DHRS1: variants seen among roughly 807,000 people sequenced by gnomAD.
The protein encoded by DHRS1 is dehydrogenase/reductase 1.
In DHRS1, 34 loss-of-function variants were observed where a neutral mutation model predicts 35.2. The observed-to-expected ratio is 0.97, with a 90% CI of 0.74 to 1.29. DHRS1 has a LOEUF of 1.29. Among genes scored for constraint, DHRS1 ranks in the 50% most tolerant of loss-of-function variants. The pLI is 0.00. For missense variants in DHRS1, 354 were observed against 403.6 expected, an observed-to-expected ratio of 0.88 and a Z score of 1.05; for synonymous variants, 133 against 160.0, an observed-to-expected ratio of 0.83 and a Z score of 1.27.
At chr14:24,291,424 T>G in intron 7 of DHRS1, 132 bp downstream of exon 7, 1 of 1,139,704 alleles carries the variant, frequency 8.8e-7, no homozygotes, top group African/African-American at 1.5e-5. Flanking sequence ...TGCTGACCCC[T>G]TGGGCCTCAA....
chr14:24,291,496 T>C, intron 7 of DHRS1, 60 bp downstream of exon 7: 1 of 1,556,516 alleles, frequency 6.4e-7, no homozygotes, highest in Admixed American at 1.7e-5. Context: ...GGGCACTGGA[T>C]GCTACCGCAC....
Position 24,290,646 on chromosome 14 carries a change from C to A in DHRS1, c.*213G>T. On this transcript the variant is annotated 3_prime_UTR_variant, in exon 9 of 9. Coordinates refer to ENST00000288111, the MANE Select transcript of DHRS1 (RefSeq NM_001136050.3). ...TTAGCTCCAAGAGCATTTTTCAATA[C>A]TAAGGCAAAAAGTAAAAAGAAGGAC... 1 of 539,942 alleles carries A rather than the reference C, an allele frequency of 1.9e-6. No homozygotes were observed. The highest frequency in any genetic ancestry group is 3.3e-6 in the Non-Finnish European group (1 of 307,154). The allele number at this position is 539,942 out of a possible 1,614,324, so 33.4% of individuals were successfully genotyped here. A position where few individuals can be genotyped will look rare whatever the true frequency, so the allele number is the denominator to read the frequency against.
chr14:24,290,820 TGAGAA>T lies in DHRS1; in HGVS notation c.*34_*38del, dbSNP rs2139083942. The T allele has an allele frequency of 6.2e-7, 1 of 1,610,644 alleles. No individual in the cohort carries two copies. Among genetic ancestry groups the T allele is most frequent in the Non-Finnish European group, 8.5e-7 (1 of 1,178,390 alleles). On this transcript the variant is annotated 3_prime_UTR_variant, in exon 9 of 9. Transcript: ENST00000288111. ...GACAGGACGAACCACCAAGTCCAAA[TGAGAA>T]GACAAGCAGAGACGTAGTGTCAGAC... is the stretch of plus-strand genomic sequence containing the variant.
rs761876701 is a variant in DHRS1 at position 24,292,184 on chromosome 14, C to T, written c.654G>A (p.Gln218=). 8.2e-5 allele frequency: 133 copies of T among 1,614,060 alleles called. No individual in the cohort carries two copies. The highest frequency in any genetic ancestry group is 1.6e-4 in the Middle Eastern group (1 of 6,084). The part of the protein sequence containing the change: ...EEVLQDPVLK[Q]FKSAFSSAET... Reference sequence around the variant, plus strand: ...CTTCCTTCGCCCTCCCCTTGCCAACCTGCTTCAACACAGGATCCTGCAGGA... The same window carrying T: ...CTTCCTTCGCCCTCCCCTTGCCAACTTGCTTCAACACAGGATCCTGCAGGA... Residue 218 remains glutamine, a splice_region_variant and synonymous_variant, in exon 6 of 9, where the codon CAG becomes CAA. Transcript: ENST00000288111.
chr14:24,299,628 G>T lies in DHRS1; in HGVS notation c.-72C>A. 1 of 306,614 alleles carries T rather than the reference G, an allele frequency of 3.3e-6. No homozygotes were observed. Among genetic ancestry groups the T allele is most frequent in the Non-Finnish European group, 6.0e-6 (1 of 165,552 alleles). 19.0% of individuals were successfully genotyped at this position (306,614 alleles called of 1,614,324 possible). ...GGTCTGCAGATTGCGGGGCTGCGGT[G>T]GAAGTCTGGGTTCTCGCCCAGATTG... On this transcript the variant is annotated 5_prime_UTR_variant, in exon 1 of 9. Coordinates refer to ENST00000288111, the MANE Select transcript of DHRS1 (RefSeq NM_001136050.3).
rs200040073 is a variant in DHRS1, at chr14:24,291,179, G to C, written c.765C>G (p.Ser255=). 209 of 1,614,182 alleles carry C rather than the reference G, an allele frequency of 1.3e-4. 1 individual carries two copies. The East Asian group carries it at 2.0e-3, about 15-fold the overall frequency. The change falls in exon 8 of 9, where the codon TCC becomes TCG. Residue 255 remains serine, a synonymous_variant. Transcript: ENST00000288111. ...ILSLSGKVLP[S]CDLARRYGLR... ...GGCCATAGCGTCGAGCAAGGTCACA[G>C]GATGGCAGCACCTTACCACTCAGGC...
chr14:24,294,839 TA>T (rs1285847948), intron 4 of DHRS1, among the ~76,000 whole-genome samples: 5 of 152,164 alleles, frequency 3.3e-5, no homozygotes, highest in African/African-American at 1.2e-4. Context: ...AAAACCCCTT[TA>T]TATATTTTCG....
At chr14:24,299,193 T>TG (rs2139108865) in intron 1 of DHRS1, 63 bp from the exon 2 acceptor site, 2 of 1,465,184 alleles carry the variant, frequency 1.4e-6, no homozygotes, top group Non-Finnish European at 9.2e-7. Context: ...GGGGCGAGGT[T>TG]GGGGGGTAGG....
intron 6 of DHRS1, 22 bp downstream of exon 6, chr14:24,292,162 C>T (rs2041167770): frequency 1.2e-6 from 2 of 1,614,034 alleles, no homozygotes; most frequent in African/African-American, 1.3e-5. Context: ...TTCTCTGCTT[C>T]CTTCGCCCTC....
At chr14:24,297,701 C>G (rs1354001437) in intron 2 of DHRS1, among the ~76,000 whole-genome samples, 3 of 152,334 alleles carry the variant, frequency 2.0e-5, no homozygotes, top group African/African-American at 7.2e-5. Flanking sequence ...AAGACCCACT[C>G]TTTCCTCTCC....
At chr14:24,297,549 G>C (rs2041272504) in intron 2 of DHRS1, among the ~76,000 whole-genome samples, 1 of 152,134 alleles carries the variant, frequency 6.6e-6, no homozygotes, top group South Asian at 2.1e-4. Flanking sequence ...CGACTCACCT[G>C]ACCTCCAGTC....
At chr14:24,297,235 G>A (rs1315964559) in intron 2 of DHRS1, among the ~76,000 whole-genome samples, 1 of 152,076 alleles carries the variant, frequency 6.6e-6, no homozygotes, top group Admixed American at 6.6e-5. Flanking sequence ...CCTTGTTGTG[G>A]TCATTTCCAT....
In DHRS1 at chr14:24,291,572, C is replaced by G. The variant is rs770246227; in HGVS notation, c.708G>C (p.Val236=). ...AETTELSGKC[V]VALATDPNIL... is the part of the protein sequence containing the mutation. ...AAACTTCACCTGTTGCCAAAGCCAC[C>G]ACACATTTGCCACTCAATTCTGTGG... The change falls in exon 7 of 9, where the codon GTG becomes GTC. Residue 236 remains valine, a synonymous_variant. Coordinates refer to ENST00000288111, the MANE Select transcript of DHRS1 (RefSeq NM_001136050.3). The G allele has an allele frequency of 9.3e-6, 15 of 1,614,098 alleles. No homozygotes were observed. The highest frequency in any genetic ancestry group is 1.3e-5 in the Non-Finnish European group (15 of 1,180,048).
At position 24,290,984 on chromosome 14, in the gene DHRS1, G is replaced by A. The variant is rs750452881; in HGVS notation, c.817C>T (p.Gln273Ter). The change falls in exon 9 of 9, where the codon CAA (glutamine) becomes TAA (stop). Residue 273 changes from glutamine (Q) to a stop codon, truncating the protein, a stop_gained. Transcript: ENST00000288111. LOFTEE classifies it high-confidence loss of function. Reference protein sequence around the residue: ...GLRDVDGRPVQDYLSLSSVLS... With the variant: ...GLRDVDGRPV Reference sequence around the variant, plus strand: ...ACAGAGCTCAAAGACAAATAGTCTTGGACGGGGCGGCCTGGGAACAACAGG... The same window carrying A: ...ACAGAGCTCAAAGACAAATAGTCTTAGACGGGGCGGCCTGGGAACAACAGG... 2 of 1,614,138 alleles carry A rather than the reference G, an allele frequency of 1.2e-6. No individual in the cohort carries two copies. The highest frequency in any genetic ancestry group is 1.1e-5 in the South Asian group (1 of 91,078).
At chr14:24,291,946 C>T (rs2041164691) in intron 6 of DHRS1, 5 of 615,348 alleles carry the variant, frequency 8.1e-6, no homozygotes, top group Admixed American at 5.9e-5. Flanking sequence ...ACAGCCTTTC[C>T]ACTTAGGACA....
chr14:24,296,920 T>C, intron 2 of DHRS1, 39 bp from the exon 3 acceptor site: 2 of 1,612,310 alleles, frequency 1.2e-6, no homozygotes, highest in South Asian at 1.1e-5. Flanking sequence ...CATTCACACA[T>C]GGGTGTGAGT....
chr14:24,297,252 T>C (rs1213438368), intron 2 of DHRS1, among the ~76,000 whole-genome samples: 1 of 152,184 alleles, frequency 6.6e-6, no homozygotes, highest in Non-Finnish European at 1.5e-5. Context: ...CCATCTCTCA[T>C]GCCCTTAGCT....
At chr14:24,296,216 T>C (rs2041244751) in intron 4 of DHRS1, among the ~76,000 whole-genome samples, 1 of 152,240 alleles carries the variant, frequency 6.6e-6, no homozygotes, top group African/African-American at 2.4e-5. Flanking sequence ...TGCGCATTAC[T>C]GAGAGGAGGA....
rs187365006 is a variant in DHRS1 at position 24,291,582 on chromosome 14, C to G, written c.698G>C (p.Gly233Ala). 6.2e-7 allele frequency: 1 copy of G among 1,614,230 alleles called. No individual in the cohort carries two copies. The highest frequency in any genetic ancestry group is 1.3e-5 in the African/African-American group (1 of 75,064). Residue 233 changes from glycine to alanine, a missense_variant, in exon 7 of 9, where the codon GGC (glycine) becomes GCC (alanine). Transcript: ENST00000288111. The stretch of plus-strand genomic sequence containing the variant: ...TGTTGCCAAAGCCACCACACATTTG[C>G]CACTCAATTCTGTGGTTTCCGCAGA... ...FSSAETTELS[G>A]KCVVALATDP...
Sources: allele counts gnomAD v4.1 joint callset (sites outside exome capture counted in the v4.1 genomes callset), GRCh38; gene constraint gnomAD v4.1.1; transcripts MANE v1.5; gene names NCBI Gene and HGNC (gene_info 2026-07-23, HGNC 2026-07-21).